The following LSAMP variants were observed in gnomAD, a reference collection of about 807,000 sequenced individuals.
The protein encoded by LSAMP is limbic system associated membrane protein.
Under a neutral mutation model 38.6 loss-of-function variants are expected in LSAMP, and 7 were observed. The observed-to-expected ratio is 0.18, with a 90% CI of 0.10 to 0.34. The LOEUF (loss-of-function observed/expected upper bound fraction) is 0.34, where lower values mean the gene tolerates loss of function less well. Ranked by LOEUF, LSAMP falls within the 10% of genes least tolerant of loss-of-function variation. The pLI is 1.00. For missense variants in LSAMP, 313 were observed against 420.0 expected (o/e 0.75, Z 2.23); for synonymous variants, 154 against 166.8 (o/e 0.92, Z 0.59).
chr3:116,352,041 T>C (rs767773272), intron 1 of LSAMP, among the ~76,000 whole-genome samples: 8 of 152,048 alleles, frequency 5.3e-5, no homozygotes, highest in Non-Finnish European at 1.0e-4. Context: ...CTTCATCAGC[T>C]CCACAGTTTG....
intron 3 of LSAMP, among the ~76,000 whole-genome samples, chr3:115,981,253 T>C (rs1939351251): frequency 6.6e-6 from 1 of 152,186 alleles, no homozygotes; most frequent in Non-Finnish European, 1.5e-5. Flanking sequence ...CTCAGAAAGA[T>C]GTCAGGAAAC....
chr3:116,209,547 T>C (rs1321139903), intron 1 of LSAMP, among the ~76,000 whole-genome samples: 2 of 152,156 alleles, frequency 1.3e-5, no homozygotes, highest in Non-Finnish European at 2.9e-5. Context: ...TTCAAATTGA[T>C]ATGTTTTGTG....
At chr3:116,281,541 T>C (rs2047126472) in intron 1 of LSAMP, among the ~76,000 whole-genome samples, 1 of 152,190 alleles carries the variant, frequency 6.6e-6, no homozygotes, top group Admixed American at 6.5e-5. Context: ...AAAATAAACA[T>C]GATGACACCA....
At chr3:115,982,356 T>C (rs1271996220) in intron 3 of LSAMP, among the ~76,000 whole-genome samples, 1 of 152,214 alleles carries the variant, frequency 6.6e-6, no homozygotes, top group Non-Finnish European at 1.5e-5. Context: ...CTACCTAGTT[T>C]AGTAACAGCT....
chr3:116,040,655 T>G (rs116834508), intron 2 of LSAMP, among the ~76,000 whole-genome samples: 1,910 of 152,328 alleles, frequency 0.013, 42 homozygotes, highest in African/African-American at 0.042. Context: ...TGATGGAATG[T>G]AGGTGGCCAT....
At chr3:116,380,521 C>T (rs2048545443) in intron 1 of LSAMP, among the ~76,000 whole-genome samples, 1 of 151,944 alleles carries the variant, frequency 6.6e-6, no homozygotes, top group African/African-American at 2.4e-5. Flanking sequence ...CTCCCTACCC[C>T]ACTCCCCTGC....
chr3:116,280,528 G>A (rs750073548), intron 1 of LSAMP, among the ~76,000 whole-genome samples: 1 of 152,250 alleles, frequency 6.6e-6, no homozygotes, highest in Non-Finnish European at 1.5e-5. Context: ...AACAGACCCA[G>A]TATTGGCATC....
chr3:115,868,672 A>G (rs1935929293), intron 3 of LSAMP, among the ~76,000 whole-genome samples: 1 of 152,116 alleles, frequency 6.6e-6, no homozygotes, highest in Non-Finnish European at 1.5e-5. Context: ...GTTGACACAT[A>G]TTTAAAATGA....
intron 3 of LSAMP, among the ~76,000 whole-genome samples, chr3:115,908,325 A>G (rs1937059757): frequency 6.6e-6 from 1 of 152,102 alleles, no homozygotes; most frequent in Non-Finnish European, 1.5e-5. Context: ...TTACAAAAGA[A>G]TATTGTAGCA....
chr3:116,242,029 T>A (rs1301158175), intron 1 of LSAMP, among the ~76,000 whole-genome samples: 1 of 152,152 alleles, frequency 6.6e-6, no homozygotes, highest in Non-Finnish European at 1.5e-5. Context: ...CTTAATCAGA[T>A]GGGTGGAATT....
chr3:116,123,920 G>C (rs1450901799), intron 1 of LSAMP, among the ~76,000 whole-genome samples: 1 of 152,122 alleles, frequency 6.6e-6, no homozygotes, highest in East Asian at 1.9e-4. Flanking sequence ...TCAAATAAGA[G>C]AGTATATGCC....
At chr3:115,812,551 G>A (rs1401017366) in intron 6 of LSAMP, among the ~76,000 whole-genome samples, 1 of 152,076 alleles carries the variant, frequency 6.6e-6, no homozygotes, top group African/African-American at 2.4e-5. Flanking sequence ...GGGCTTTTGG[G>A]CTGGTAGGAA....
chr3:115,851,124 C>T (rs1935317683), intron 4 of LSAMP, among the ~76,000 whole-genome samples: 1 of 152,122 alleles, frequency 6.6e-6, no homozygotes, highest in Non-Finnish European at 1.5e-5. Flanking sequence ...CAGGCACCCG[C>T]CACCACACCC....
At chr3:116,065,172 G>A (rs1307652691) in intron 2 of LSAMP, among the ~76,000 whole-genome samples, 1 of 152,150 alleles carries the variant, frequency 6.6e-6, no homozygotes, top group Non-Finnish European at 1.5e-5. Context: ...TTGTGACTGA[G>A]CTAGCAAAGG....
intron 3 of LSAMP, among the ~76,000 whole-genome samples, chr3:115,910,939 A>G (rs1576210308): frequency 1.3e-5 from 2 of 152,216 alleles, no homozygotes; most frequent in Admixed American, 6.5e-5. Flanking sequence ...ACAATGACGT[A>G]TATTTCAAAA....
intron 1 of LSAMP, among the ~76,000 whole-genome samples, chr3:116,229,620 A>G (rs1249126414): frequency 6.6e-6 from 1 of 152,166 alleles, no homozygotes; most frequent in African/African-American, 2.4e-5. Context: ...ATCAATTAAT[A>G]TACACTTTCA....
At chr3:115,998,813 C>A (rs1939902804) in intron 3 of LSAMP, among the ~76,000 whole-genome samples, 1 of 152,060 alleles carries the variant, frequency 6.6e-6, no homozygotes, top group Admixed American at 6.6e-5. Context: ...TCCCATCTCC[C>A]GCCCGTGTTC....
intron 6 of LSAMP, among the ~76,000 whole-genome samples, chr3:115,827,976 A>G (rs1934480328): frequency 6.6e-6 from 1 of 152,216 alleles, no homozygotes; most frequent in African/African-American, 2.4e-5. Flanking sequence ...AAAGAATATC[A>G]TGAGGCTGCA....
chr3:115,880,320 T>G (rs973517222), intron 3 of LSAMP, among the ~76,000 whole-genome samples: 3 of 152,158 alleles, frequency 2.0e-5, no homozygotes, highest in African/African-American at 7.2e-5. Context: ...AACAACTCCT[T>G]CTTAAGAGTT....
Sources: allele counts gnomAD v4.1 joint callset (sites outside exome capture counted in the v4.1 genomes callset), GRCh38; gene constraint gnomAD v4.1.1; transcripts MANE v1.5; gene names NCBI Gene and HGNC (gene_info 2026-07-23, HGNC 2026-07-21).